LRMDA: variants seen among roughly 807,000 people sequenced by gnomAD.
LRMDA encodes leucine rich melanocyte differentiation associated, also known as leucine-rich melanocyte differentiation-associated protein.
A neutral mutation model predicts 29.8 loss-of-function variants in LRMDA; 18 were observed. The observed-to-expected ratio is 0.60, with a 90% CI of 0.42 to 0.90. LRMDA has a LOEUF of 0.90. LRMDA is among the 40% of genes least tolerant of loss of function. The pLI is 0.00. For missense variants in LRMDA, 273 were observed against 273.9 expected (o/e 1.00, Z 0.02); for synonymous variants, 125 against 109.4 (o/e 1.14, Z -0.89).
intron 2 of LRMDA, among the ~76,000 whole-genome samples, chr10:75,951,232 G>A (rs533328280): frequency 6.6e-6 from 1 of 152,342 alleles, no homozygotes; most frequent in African/African-American, 2.4e-5. Context: ...TACTTAGTAT[G>A]TGGAAGATTT....
At chr10:75,569,120 C>T (rs1589188422) in intron 2 of LRMDA, among the ~76,000 whole-genome samples, 1 of 152,320 alleles carries the variant, frequency 6.6e-6, no homozygotes, top group South Asian at 2.1e-4. Flanking sequence ...CCTCTCCTGG[C>T]ATATGCCCAC....
chr10:76,034,713 C>G (rs1039699802), intron 2 of LRMDA, among the ~76,000 whole-genome samples: 15 of 152,140 alleles, frequency 9.9e-5, no homozygotes, highest in Non-Finnish European at 2.2e-4. Flanking sequence ...ACATTGCACA[C>G]GCAAGCACAC....
intron 6 of LRMDA, among the ~76,000 whole-genome samples, chr10:76,424,039 T>G (rs1399289600): frequency 2.0e-5 from 3 of 152,226 alleles, no homozygotes; most frequent in Non-Finnish European, 4.4e-5. Flanking sequence ...TGTGTTCTGG[T>G]CTTAAGGGAC....
At chr10:76,435,360 C>T (rs1176861238) in intron 6 of LRMDA, among the ~76,000 whole-genome samples, 1 of 152,124 alleles carries the variant, frequency 6.6e-6, no homozygotes, top group Non-Finnish European at 1.5e-5. Flanking sequence ...TCATGAGGCC[C>T]CAGAAGCTGC....
At chr10:76,432,405 C>T (rs1225351212) in intron 6 of LRMDA, among the ~76,000 whole-genome samples, 6 of 152,180 alleles carry the variant, frequency 3.9e-5, no homozygotes, top group Non-Finnish European at 8.8e-5. Context: ...TCCCATGCCT[C>T]ACCCAAAGCA....
At chr10:75,854,802 G>A (rs895323669) in intron 2 of LRMDA, among the ~76,000 whole-genome samples, 2 of 151,076 alleles carry the variant, frequency 1.3e-5, no homozygotes, top group South Asian at 2.1e-4. Context: ...CCACCTATGA[G>A]CGAGAACATG....
intron 2 of LRMDA, among the ~76,000 whole-genome samples, chr10:75,523,400 C>G (rs1845383277): frequency 6.6e-6 from 1 of 152,194 alleles, no homozygotes; most frequent in Admixed American, 6.5e-5. Context: ...AAAAAGAGCT[C>G]ATAAAACAGG....
At chr10:76,218,446 A>G (rs1851768517) in intron 5 of LRMDA, among the ~76,000 whole-genome samples, 1 of 152,200 alleles carries the variant, frequency 6.6e-6, no homozygotes, top group South Asian at 2.1e-4. Context: ...GCAGGGAGTG[A>G]TTGGATTTGA....
intron 2 of LRMDA, among the ~76,000 whole-genome samples, chr10:75,597,444 G>A (rs908808301): frequency 2.6e-5 from 4 of 152,104 alleles, no homozygotes; most frequent in African/African-American, 7.2e-5. Context: ...AGCTGGACTG[G>A]CCCCAGGTGA....
intron 2 of LRMDA, among the ~76,000 whole-genome samples, chr10:75,750,276 G>C (rs1398970465): frequency 6.6e-6 from 1 of 151,062 alleles, no homozygotes; most frequent in African/African-American, 2.4e-5. Context: ...CCTCCCCGCC[G>C]GGGCGGCTGG....
intron 6 of LRMDA, among the ~76,000 whole-genome samples, chr10:76,350,739 G>A (rs893742276): frequency 6.6e-6 from 1 of 152,136 alleles, no homozygotes; most frequent in African/African-American, 2.4e-5. Context: ...ATCTGGGGTT[G>A]CAGGAACACT....
chr10:75,975,786 C>T (rs1847059477), intron 2 of LRMDA, among the ~76,000 whole-genome samples: 1 of 152,198 alleles, frequency 6.6e-6, no homozygotes, highest in African/African-American at 2.4e-5. Context: ...TGATGAGCAT[C>T]CCAGGCCTCT....
At chr10:75,769,948 A>G (rs537233704) in intron 2 of LRMDA, among the ~76,000 whole-genome samples, 1 of 152,106 alleles carries the variant, frequency 6.6e-6, no homozygotes, top group Non-Finnish European at 1.5e-5. Context: ...GCACCACTGC[A>G]CTCCAGCCTG....
chr10:76,340,532 A>G (rs2132419126), intron 6 of LRMDA, among the ~76,000 whole-genome samples: 1 of 150,732 alleles, frequency 6.6e-6, no homozygotes, highest in South Asian at 2.1e-4. Flanking sequence ...AAAAAAAAAA[A>G]AAAAAGAGAG....
At chr10:76,301,709 A>G (rs1285445538) in intron 5 of LRMDA, among the ~76,000 whole-genome samples, 2 of 152,228 alleles carry the variant, frequency 1.3e-5, no homozygotes, top group African/African-American at 4.8e-5. Context: ...GTAAGACCCA[A>G]GTAGACAAAT....
chr10:76,205,310 T>C (rs998391635), intron 5 of LRMDA, among the ~76,000 whole-genome samples: 1 of 152,120 alleles, frequency 6.6e-6, no homozygotes, highest in Non-Finnish European at 1.5e-5. Flanking sequence ...AAGAAGGATA[T>C]ATCCTGGGTT....
At chr10:76,211,864 C>A (rs149915070) in intron 5 of LRMDA, among the ~76,000 whole-genome samples, 49 of 152,304 alleles carry the variant, frequency 3.2e-4, no homozygotes, top group African/African-American at 1.2e-3. Flanking sequence ...ACAAATAGTT[C>A]TCATATTCTG....
At chr10:75,647,300 C>A (rs1841534792) in intron 2 of LRMDA, among the ~76,000 whole-genome samples, 1 of 152,118 alleles carries the variant, frequency 6.6e-6, no homozygotes, top group African/African-American at 2.4e-5. Context: ...TTACTAAAAT[C>A]TTTGGCTGTG....
At chr10:76,229,594 C>T (rs1020701297) in intron 5 of LRMDA, among the ~76,000 whole-genome samples, 8 of 152,024 alleles carry the variant, frequency 5.3e-5, no homozygotes, top group Non-Finnish European at 1.2e-4. Flanking sequence ...GCCCTCTGTG[C>T]TTGGCAAGAG....
Sources: allele counts gnomAD v4.1 joint callset (sites outside exome capture counted in the v4.1 genomes callset), GRCh38; gene constraint gnomAD v4.1.1; transcripts MANE v1.5; gene names NCBI Gene and HGNC (gene_info 2026-07-23, HGNC 2026-07-21).